Variants in ALDH1L1 observed in about 807,000 individuals in gnomAD.
ALDH1L1 encodes the protein aldehyde dehydrogenase 1 family member L1.
A neutral mutation model predicts 101.1 loss-of-function variants in ALDH1L1; 68 were observed. The ratio of observed to expected loss-of-function variants is 0.67; its 90% confidence interval spans 0.55 to 0.82. ALDH1L1 has a LOEUF of 0.82. Among genes scored for constraint, ALDH1L1 ranks in the 40% least tolerant of loss-of-function variants. The pLI is 0.00. For synonymous variants in ALDH1L1, 486 were observed against 470.8 expected (o/e 1.03, Z -0.42); for missense variants, 1,087 against 1,172.7 (o/e 0.93, Z 1.07).
intron 9 of ALDH1L1, among the ~76,000 whole-genome samples, chr3:126,145,727 G>A (rs1347144692): frequency 1.3e-5 from 2 of 152,186 alleles, no homozygotes; most frequent in Admixed American, 6.5e-5. Context: ...AGTTGTGCGA[G>A]AAAAAGTTCT....
intron 21 of ALDH1L1, among the ~76,000 whole-genome samples, chr3:126,106,372 G>A (rs1458709435): frequency 6.6e-6 from 1 of 152,192 alleles, no homozygotes; most frequent in African/African-American, 2.4e-5. Context: ...TTTTTTGGTA[G>A]TTGGATAGTA....
Position 126,137,840 on chromosome 3 carries a change from A to ATCG in ALDH1L1, c.1194_1196dup (p.Asp399dup). On this transcript the variant is annotated inframe_insertion, in exon 10 of 23. Coordinates refer to ENST00000393434, the MANE Select transcript of ALDH1L1 (RefSeq NM_012190.4). Reference sequence around the variant, plus strand: ...AGTCAATGCTGCACTCGCCCTCCTCATCGTCCCCTCGCAGCTTCCTCACTA... The same window carrying ATCG: ...AGTCAATGCTGCACTCGCCCTCCTCATCGTCGTCCCCTCGCAGCTTCCTCACTA... The ATCG allele has an allele frequency of 6.2e-7, 1 of 1,614,116 alleles. No homozygotes were observed. Among genetic ancestry groups the ATCG allele is most frequent in the Non-Finnish European group, 8.5e-7 (1 of 1,180,006 alleles).
At chr3:126,164,172 G>C (rs1451020981) in intron 1 of ALDH1L1, among the ~76,000 whole-genome samples, 1 of 152,032 alleles carries the variant, frequency 6.6e-6, no homozygotes, top group Non-Finnish European at 1.5e-5. Flanking sequence ...GCGGGGCAGG[G>C]CAGGGTGAGG....
intron 21 of ALDH1L1, among the ~76,000 whole-genome samples, chr3:126,106,539 A>G (rs1945878136): frequency 6.6e-6 from 1 of 152,134 alleles, no homozygotes; most frequent in Non-Finnish European, 1.5e-5. Flanking sequence ...GACTTGCTTC[A>G]TCAACAGGCC....
intron 22 of ALDH1L1, chr3:126,105,261 C>T: frequency 3.7e-6 from 1 of 267,954 alleles, no homozygotes; most frequent in Non-Finnish European, 7.4e-6. Context: ...TTCAATCTGG[C>T]CCCTACCTGC....
chr3:126,124,631 G>T (rs2080144279), intron 15 of ALDH1L1, among the ~76,000 whole-genome samples, 180 bp from the exon 16 acceptor site: 1 of 152,152 alleles, frequency 6.6e-6, no homozygotes, highest in Non-Finnish European at 1.5e-5. Flanking sequence ...CCCAGCCGGT[G>T]CGCCCACAGC....
intron 1 of ALDH1L1, among the ~76,000 whole-genome samples, chr3:126,192,921 A>G (rs1443352808): frequency 3.3e-5 from 5 of 152,224 alleles, no homozygotes; most frequent in African/African-American, 1.2e-4. Flanking sequence ...TAGACAAAAA[A>G]GGGAAGTGAC....
chr3:126,127,465 C>T (rs560915347), intron 14 of ALDH1L1, among the ~76,000 whole-genome samples: 3 of 152,242 alleles, frequency 2.0e-5, no homozygotes, highest in South Asian at 2.1e-4. Context: ...TGCCCTCTGA[C>T]GCTCCTGGGG....
intron 1 of ALDH1L1, among the ~76,000 whole-genome samples, chr3:126,174,035 C>T (rs1013333632): frequency 6.6e-6 from 1 of 151,958 alleles, no homozygotes; most frequent in Non-Finnish European, 1.5e-5. Flanking sequence ...TCTGTCAGTC[C>T]CCACTAACGT....
upstream of ALDH1L1, among the ~76,000 whole-genome samples, chr3:126,183,206 A>G (rs2081490816): frequency 6.6e-6 from 1 of 152,244 alleles, no homozygotes; most frequent in Non-Finnish European, 1.5e-5. Context: ...CCTTGACAGC[A>G]GTCTCAGCAG....
chr3:126,115,958 C>T (rs866747090), intron 17 of ALDH1L1, among the ~76,000 whole-genome samples: 4 of 151,596 alleles, frequency 2.6e-5, no homozygotes, highest in African/African-American at 9.7e-5. Context: ...CTGTAACCTC[C>T]GCCTTCCGGA....
At chr3:126,171,635 A>C (rs1644311544) in intron 1 of ALDH1L1, among the ~76,000 whole-genome samples, 1 of 152,200 alleles carries the variant, frequency 6.6e-6, no homozygotes, top group African/African-American at 2.4e-5. Flanking sequence ...TTTTGGCAGG[A>C]GGCAAGGAAA....
At chr3:126,106,158 C>A (rs114832953) in intron 21 of ALDH1L1, among the ~76,000 whole-genome samples, 1 of 152,310 alleles carries the variant, frequency 6.6e-6, no homozygotes, top group African/African-American at 2.4e-5. Flanking sequence ...TCGGGTGAGC[C>A]CTTTATTCCA....
chr3:126,188,942 G>T (rs1228887680), intron 1 of ALDH1L1, among the ~76,000 whole-genome samples: 1 of 151,988 alleles, frequency 6.6e-6, no homozygotes, highest in Admixed American at 6.5e-5. Context: ...TAGCCTGTTT[G>T]TTGTTTTTTT....
At chr3:126,110,187 C>T (rs1946035070) in intron 19 of ALDH1L1, 78 bp from the exon 20 acceptor site, 1 of 1,554,898 alleles carries the variant, frequency 6.4e-7, no homozygotes, top group Non-Finnish European at 8.8e-7. Context: ...ACTCAGCTCT[C>T]ATGGCTGACC....
intron 1 of ALDH1L1, among the ~76,000 whole-genome samples, chr3:126,162,012 C>G (rs1438495833): frequency 6.6e-6 from 1 of 152,102 alleles, no homozygotes; most frequent in Non-Finnish European, 1.5e-5. Context: ...TTTTCTCCCT[C>G]AACATTATCT....
chr3:126,132,081 G>A (rs2080321120), intron 12 of ALDH1L1, among the ~76,000 whole-genome samples: 1 of 152,248 alleles, frequency 6.6e-6, no homozygotes, highest in Non-Finnish European at 1.5e-5. Context: ...TACACAGACT[G>A]GCTTCAGCCT....
rs761138531 is a variant in ALDH1L1 at position 126,107,215 on chromosome 3, G to A, written c.2379C>T (p.Asp793=). Residue 793 remains aspartate (D), a synonymous_variant, in exon 21 of 23, where the codon GAC becomes GAT. Transcript: ENST00000393434. ...GFFFEPTVFT[D]VEDHMFIAKE... ...TGGCTATGAACATGTGGTCTTCCAC[G>A]TCTGTGAAAACAGTTGGCTCAAAGA... The A allele has an allele frequency of 5.0e-6, 8 of 1,614,024 alleles. No homozygotes were observed. Among genetic ancestry groups the A allele is most frequent in the African/African-American group, 1.3e-5 (1 of 74,928 alleles).
intron 1 of ALDH1L1, 165 bp downstream of exon 1, chr3:126,180,311 C>A: frequency 2.8e-6 from 1 of 359,116 alleles, no homozygotes; most frequent in Non-Finnish European, 3.9e-6. Context: ...CGGACCCGTA[C>A]CCCGAGCCCG....
Sources: gnomAD v4.1 joint callset for allele counts (sites outside exome capture counted in the v4.1 genomes callset) on GRCh38, gnomAD v4.1.1 for gene constraint, MANE v1.5 for transcripts, NCBI Gene and HGNC (gene_info 2026-07-23, HGNC 2026-07-21) for gene names.